LMNB1: variants seen among roughly 807,000 people sequenced by gnomAD.
LMNB1 encodes the protein lamin B1.
A neutral mutation model predicts 67.1 loss-of-function variants in LMNB1; 23 were observed. That is an observed-to-expected ratio of 0.34 (90% CI 0.25 to 0.49). The LOEUF is 0.49. Ranked by LOEUF, LMNB1 falls within the 20% of genes least tolerant of loss-of-function variation. LMNB1 has a pLI of 0.99. For missense variants in LMNB1, 634 were observed against 746.5 expected (o/e 0.85, Z 1.76); for synonymous variants, 281 against 282.9 (o/e 0.99, Z 0.07).
intron 9 of LMNB1, among the ~76,000 whole-genome samples, chr5:126,832,241 C>T (rs1171303807): frequency 6.6e-6 from 1 of 152,108 alleles, no homozygotes; most frequent in Non-Finnish European, 1.5e-5. Context: ...GCACACCAGC[C>T]TGGGCGACAG....
intron 5 of LMNB1, among the ~76,000 whole-genome samples, chr5:126,814,820 G>C (rs921847906): frequency 6.6e-6 from 1 of 152,154 alleles, no homozygotes; most frequent in Non-Finnish European, 1.5e-5. Flanking sequence ...GATTACAGGC[G>C]TGAGCTGCTG....
At chr5:126,825,048 C>A (rs1469184511) in intron 8 of LMNB1, among the ~76,000 whole-genome samples, 1 of 152,110 alleles carries the variant, frequency 6.6e-6, no homozygotes, top group Non-Finnish European at 1.5e-5. Context: ...GTCATAAAGT[C>A]TTTTATATTC....
intron 1 of LMNB1, among the ~76,000 whole-genome samples, chr5:126,792,610 C>T (rs1293517059): frequency 1.8e-5 from 2 of 110,982 alleles, no homozygotes; most frequent in Non-Finnish European, 3.4e-5. Flanking sequence ...GAGTTTCACT[C>T]TTGTTGCCCA....
intron 1 of LMNB1, among the ~76,000 whole-genome samples, chr5:126,785,546 C>T (rs1360590177): frequency 7.1e-6 from 1 of 141,350 alleles, no homozygotes; most frequent in Non-Finnish European, 1.5e-5. Flanking sequence ...GTCTTGAACT[C>T]CTGAGCTCAG....
chr5:126,820,426 C>T (rs1280510616), intron 6 of LMNB1, among the ~76,000 whole-genome samples: 5 of 152,106 alleles, frequency 3.3e-5, no homozygotes, highest in Non-Finnish European at 7.4e-5. Context: ...CGATGGGCAC[C>T]TTATGAAGAA....
Position 126,819,093 on chromosome 5 carries a change from G to A in LMNB1, c.1111G>A (p.Asp371Asn). The change falls in exon 6 of 11, where the codon GAC becomes AAC. Residue 371 changes from aspartate to asparagine, a missense_variant. By Grantham distance (23) the Asp-to-Asn change is conservative. Transcript: ENST00000261366. The part of the protein sequence containing the change: ...EQLLDVKLAL[D>N]MEISAYRKLL... ...GCTTCTTGATGTAAAGTTAGCCCTG[G>A]ACATGGAAATCAGTGCTTACAGGAA... is the stretch of plus-strand genomic sequence containing the variant. The A allele has an allele frequency of 6.2e-7, 1 of 1,614,160 alleles. No individual in the cohort carries two copies. Among genetic ancestry groups the A allele is most frequent in the Non-Finnish European group, 8.5e-7 (1 of 1,180,012 alleles).
chr5:126,794,068 G>A (rs1751030546), intron 1 of LMNB1, among the ~76,000 whole-genome samples: 1 of 151,926 alleles, frequency 6.6e-6, no homozygotes, highest in Non-Finnish European at 1.5e-5. Flanking sequence ...TTGAGTAGCT[G>A]GGATTACAGG....
At chr5:126,811,699 C>A in intron 4 of LMNB1, 74 bp from the exon 5 acceptor site, 1 of 1,433,558 alleles carries the variant, frequency 7.0e-7, no homozygotes, top group Non-Finnish European at 9.6e-7. Flanking sequence ...GTTTGAAATG[C>A]CTTGAGGTGA....
chr5:126,828,384 G>T (rs1752047886), intron 9 of LMNB1, among the ~76,000 whole-genome samples: 1 of 152,098 alleles, frequency 6.6e-6, no homozygotes, highest in African/African-American at 2.4e-5. Context: ...GGAGCAGTAG[G>T]TTTAAATGCC....
intron 1 of LMNB1, among the ~76,000 whole-genome samples, chr5:126,781,156 G>C (rs1201341367): frequency 2.0e-5 from 3 of 152,168 alleles, no homozygotes; most frequent in Admixed American, 2.0e-4. Flanking sequence ...GCGTGTGGTA[G>C]TGGACGCCTG....
rs1750502367 is a variant in LMNB1, at chr5:126,777,712, G to A, written c.204G>A (p.Glu68=). The change falls in exon 1 of 11, where the codon GAG becomes GAA. Residue 68 remains glutamate, a synonymous_variant. Coordinates refer to ENST00000261366, the MANE Select transcript of LMNB1 (RefSeq NM_005573.4). ...TGCAGCTGCAGGTGACGGAGCGCGA[G>A]GAGGTGCGCGGCCGTGAGCTCACCG... ...SALQLQVTER[E]EVRGRELTGL... 6.5e-7 allele frequency: 1 copy of A among 1,544,646 alleles called. No homozygotes were observed. The highest frequency in any genetic ancestry group is 8.7e-7 in the Non-Finnish European group (1 of 1,144,534).
chr5:126,792,326 A>G (rs989613572), intron 1 of LMNB1, among the ~76,000 whole-genome samples: 5 of 151,116 alleles, frequency 3.3e-5, no homozygotes, highest in Admixed American at 2.0e-4. Context: ...TATTTTTAGT[A>G]GAGATGGGAT....
At chr5:126,811,643 T>C (rs1656666331) in intron 4 of LMNB1, 130 bp from the exon 5 acceptor site, 2 of 730,948 alleles carry the variant, frequency 2.7e-6, no homozygotes, top group African/African-American at 3.5e-5. Flanking sequence ...GCAAACTTCA[T>C]GATGCTTTTC....
intron 1 of LMNB1, among the ~76,000 whole-genome samples, chr5:126,789,016 C>G (rs1750882468): frequency 6.6e-6 from 1 of 151,828 alleles, no homozygotes; most frequent in South Asian, 2.1e-4. Context: ...CCACCTCAGC[C>G]TCTGGAGTAG....
At chr5:126,790,910 A>G (rs1478378007) in intron 1 of LMNB1, among the ~76,000 whole-genome samples, 1 of 151,796 alleles carries the variant, frequency 6.6e-6, no homozygotes, top group African/African-American at 2.4e-5. Flanking sequence ...AATCCCAGCT[A>G]CTCAGGAGGC....
intron 1 of LMNB1, among the ~76,000 whole-genome samples, chr5:126,792,839 G>A (rs1338586384): frequency 3.3e-5 from 5 of 152,050 alleles, no homozygotes; most frequent in Non-Finnish European, 5.9e-5. Context: ...GCCTCCCAAA[G>A]TGCTGAGATT....
At chr5:126,815,560 C>T (rs1037681763) in intron 5 of LMNB1, among the ~76,000 whole-genome samples, 8 of 152,066 alleles carry the variant, frequency 5.3e-5, no homozygotes, top group African/African-American at 1.4e-4. Context: ...ACATTACATA[C>T]TATAAAATAT....
chr5:126,796,529 A>T (rs1358037037), intron 1 of LMNB1, among the ~76,000 whole-genome samples: 1 of 152,224 alleles, frequency 6.6e-6, no homozygotes, highest in African/African-American at 2.4e-5. Context: ...TTAAAGCAGC[A>T]GAGTATATGG....
chr5:126,810,033 C>CA (rs1751545189), intron 3 of LMNB1, 147 bp from the exon 4 acceptor site: 1 of 572,164 alleles, frequency 1.7e-6, no homozygotes, highest in South Asian at 3.4e-5. Flanking sequence ...AACTAAGAGG[C>CA]AAAAAAGTGT....
Sources: allele counts gnomAD v4.1 joint callset (sites outside exome capture counted in the v4.1 genomes callset), GRCh38; gene constraint gnomAD v4.1.1; transcripts MANE v1.5; gene names NCBI Gene and HGNC (gene_info 2026-07-23, HGNC 2026-07-21).